The following WDPCP variants were observed in gnomAD, a reference collection of about 807,000 sequenced individuals.
The protein encoded by WDPCP is WD repeat-containing and planar cell polarity effector protein fritz homolog.
WDPCP carries 71 observed loss-of-function variants against 93.1 expected under a neutral mutation model. The observed-to-expected ratio is 0.76, with a 90% confidence interval of 0.63 to 0.93. WDPCP has a LOEUF of 0.93. WDPCP is among the 40% of genes least tolerant of loss of function. The pLI, the probability that WDPCP is intolerant of heterozygous loss-of-function variation, is 0.00. For missense variants in WDPCP, 844 were observed against 887.4 expected, an observed-to-expected ratio of 0.95 and a Z score of 0.62; for synonymous variants, 315 against 315.0, an observed-to-expected ratio of 1.00 and a Z score of 0.00.
intron 14 of WDPCP, among the ~76,000 whole-genome samples, chr2:63,185,951 T>C (rs1220062548): frequency 6.7e-6 from 1 of 149,918 alleles, no homozygotes; most frequent in Admixed American, 6.6e-5. Flanking sequence ...ATGCAACCAC[T>C]ATCTCTGAGG....
intron 14 of WDPCP, among the ~76,000 whole-genome samples, chr2:63,184,213 C>T (rs1479930931): frequency 6.6e-6 from 1 of 150,756 alleles, no homozygotes; most frequent in African/African-American, 2.4e-5. Flanking sequence ...TCTTTTTTTC[C>T]CTCTTTCTGT....
chr2:63,218,688 C>G (rs936650289), intron 14 of WDPCP, among the ~76,000 whole-genome samples: 2 of 152,014 alleles, frequency 1.3e-5, no homozygotes, highest in Admixed American at 6.5e-5. Context: ...CGACACTACG[C>G]CCAGCTAATT....
intron 1 of WDPCP, among the ~76,000 whole-genome samples, chr2:63,555,546 C>A (rs578148965): frequency 6.9e-6 from 1 of 144,116 alleles, no homozygotes; most frequent in African/African-American, 2.4e-5. Context: ...CTAGGTGAGA[C>A]CCCCCCGCAA....
chr2:63,554,100 T>A (rs2106373383), intron 1 of WDPCP, among the ~76,000 whole-genome samples: 1 of 152,372 alleles, frequency 6.6e-6, no homozygotes. Flanking sequence ...TTCAGGATCA[T>A]GCTTTGCATT....
At chr2:63,620,152 C>A (rs996567148) in intron 3 of WDPCP, among the ~76,000 whole-genome samples, 1 of 152,166 alleles carries the variant, frequency 6.6e-6, no homozygotes, top group Non-Finnish European at 1.5e-5. Context: ...CCAGTGGCAC[C>A]TGGAACACCA....
chr2:63,617,591 G>A (rs968664876), intron 3 of WDPCP, among the ~76,000 whole-genome samples: 1 of 152,132 alleles, frequency 6.6e-6, no homozygotes, highest in Non-Finnish European at 1.5e-5. Flanking sequence ...GCAAATTGTG[G>A]GAAGGCTAGA....
chr2:63,709,928 T>C lies in WDPCP; in HGVS notation n.309-59090A>G, dbSNP rs550860850. ...TTCAGAGGGCACATGGTTAAAGCTT[T>C]TAAAATCAAGGGGTAAAAATGAGGT... is the stretch of plus-strand genomic sequence containing the variant. On this transcript the variant is annotated intron_variant and non_coding_transcript_variant, in intron 2 of 4. Transcript: ENST00000467687. Among the ~76,000 whole-genome samples, 9 of 152,318 alleles carry C rather than the reference T, an allele frequency of 5.9e-5. No individual in the cohort carries two copies. The South Asian group carries it at 1.9e-3, about 32-fold the overall frequency.
intron 2 of WDPCP, among the ~76,000 whole-genome samples, chr2:63,658,352 C>T (rs2106634878): frequency 6.6e-6 from 1 of 152,288 alleles, no homozygotes; most frequent in East Asian, 1.9e-4. Flanking sequence ...AGTAAAATAG[C>T]TTCAGAAAGT....
At chr2:63,163,165 G>C (rs185069338) in intron 15 of WDPCP, among the ~76,000 whole-genome samples, 1 of 152,162 alleles carries the variant, frequency 6.6e-6, no homozygotes, top group Non-Finnish European at 1.5e-5. Flanking sequence ...TTAAGCTGGA[G>C]AGAAAATGGA....
intron 2 of WDPCP, among the ~76,000 whole-genome samples, chr2:63,710,403 G>A (rs1402703350): frequency 6.6e-6 from 1 of 152,166 alleles, no homozygotes; most frequent in Non-Finnish European, 1.5e-5. Flanking sequence ...ATTATGAGCA[G>A]TAATAGCCCC....
At chr2:63,381,800 T>C in intron 11 of WDPCP, 106 bp downstream of exon 11, 1 of 1,183,964 alleles carries the variant, frequency 8.4e-7, no homozygotes, top group Non-Finnish European at 1.2e-6. Context: ...ATTTTTATCA[T>C]TTAATCTCCA....
At chr2:63,800,241 C>T (rs937494933) in intron 2 of WDPCP, among the ~76,000 whole-genome samples, 2 of 152,002 alleles carry the variant, frequency 1.3e-5, no homozygotes, top group Admixed American at 1.3e-4. Flanking sequence ...ATTTCAGAAC[C>T]ACTGAGAAAC....
chr2:63,827,981 C>G (rs1260610921), upstream of WDPCP: 1 of 152,130 alleles, frequency 6.6e-6, no homozygotes, highest in Non-Finnish European at 1.5e-5. Context: ...ACTAGACATG[C>G]AAGAATTTGA....
intron 2 of WDPCP, among the ~76,000 whole-genome samples, chr2:63,778,684 T>C (rs1670342099): frequency 6.6e-6 from 1 of 152,222 alleles, no homozygotes; most frequent in South Asian, 2.1e-4. Context: ...GTTCTTTTTA[T>C]ATCTCAAACT....
intron 12 of WDPCP, among the ~76,000 whole-genome samples, chr2:63,320,314 A>C (rs191460624): frequency 1.2e-4 from 18 of 152,338 alleles, no homozygotes; most frequent in Middle Eastern, 6.8e-3. Context: ...CTACACCGTA[A>C]GAAAGACTAA....
chr2:63,557,086 G>A (rs1558803622), intron 1 of WDPCP, among the ~76,000 whole-genome samples: 1 of 152,122 alleles, frequency 6.6e-6, no homozygotes, highest in Non-Finnish European at 1.5e-5. Flanking sequence ...AAAGACCAAT[G>A]ACACTATGAA....
At chr2:63,490,714 G>C (rs1332417617) in intron 2 of WDPCP, among the ~76,000 whole-genome samples, 1 of 152,130 alleles carries the variant, frequency 6.6e-6, no homozygotes, top group African/African-American at 2.4e-5. Context: ...AGAATAGAAG[G>C]AACAGGGACA....
At chr2:63,815,651 T>C (rs528899554) in intron 1 of WDPCP, among the ~76,000 whole-genome samples, 8 of 152,302 alleles carry the variant, frequency 5.3e-5, no homozygotes, top group Non-Finnish European at 1.0e-4. Context: ...AGTAGTATAG[T>C]TGGCCTATCA....
At chr2:63,343,154 C>T (rs1366670821) in intron 12 of WDPCP, among the ~76,000 whole-genome samples, 1 of 152,128 alleles carries the variant, frequency 6.6e-6, no homozygotes, top group Admixed American at 6.6e-5. Flanking sequence ...GCTTGTACCA[C>T]CACATCTGGC....
Sources: gnomAD v4.1 joint callset for allele counts (sites outside exome capture counted in the v4.1 genomes callset) on GRCh38, gnomAD v4.1.1 for gene constraint, MANE v1.5 for transcripts, NCBI Gene and HGNC (gene_info 2026-07-23, HGNC 2026-07-21) for gene names.